OR1J2: variants seen among roughly 807,000 people sequenced by gnomAD.
OR1J2 encodes olfactory receptor 1J2.
For missense variants in OR1J2, 304 were observed against 246.1 expected (o/e 1.24, Z -1.57); for synonymous variants, 142 against 99.7 (o/e 1.42, Z -2.52).
the OR1J2 span, among the ~76,000 whole-genome samples, chr9:122,456,580 G>A: frequency 2.0e-5 from 3 of 152,170 alleles, no homozygotes; most frequent in East Asian, 1.9e-4. Context: ...ACACACACAC[G>A]AAAGAATACA....
chr9:122,491,967 G>C, the OR1J2 span, among the ~76,000 whole-genome samples: 4 of 151,812 alleles, frequency 2.6e-5, no homozygotes, highest in African/African-American at 4.9e-5. Flanking sequence ...AAAAAAGAGA[G>C]AAAAAAGAAT....
the OR1J2 span, among the ~76,000 whole-genome samples, chr9:122,539,427 C>A: frequency 6.6e-6 from 1 of 152,128 alleles, no homozygotes; most frequent in Non-Finnish European, 1.5e-5. Flanking sequence ...ACCCATGTCC[C>A]TACAAAGGAC....
the OR1J2 span, among the ~76,000 whole-genome samples, chr9:122,504,539 C>CT: frequency 2.6e-5 from 4 of 151,988 alleles, no homozygotes; most frequent in Admixed American, 2.0e-4. Flanking sequence ...AAATGCTGTG[C>CT]TTTTTTCTCA....
At chr9:122,525,536 A>G in the OR1J2 span, among the ~76,000 whole-genome samples, 1 of 152,090 alleles carries the variant, frequency 6.6e-6, no homozygotes, top group African/African-American at 2.4e-5. Flanking sequence ...CATTTTTTCC[A>G]TCTCTGCAAC....
chr9:122,471,581 A>G, the OR1J2 span, among the ~76,000 whole-genome samples: 1 of 152,204 alleles, frequency 6.6e-6, no homozygotes, highest in Non-Finnish European at 1.5e-5. Context: ...AATGACCCTT[A>G]TGCGTAAGAA....
chr9:122,526,047 A>AT, the OR1J2 span, among the ~76,000 whole-genome samples: 1 of 152,196 alleles, frequency 6.6e-6, no homozygotes, highest in Non-Finnish European at 1.5e-5. Flanking sequence ...CAGAGAAAAG[A>AT]TTTTTTGACT....
At chr9:122,507,091 G>A (rs1828534114), upstream of OR1J2, among the ~76,000 whole-genome samples, 1 of 152,108 alleles carries the variant, frequency 6.6e-6, no homozygotes, top group East Asian at 1.9e-4. Context: ...ACACAAATAT[G>A]GTGCCTTATC....
chr9:122,470,902 C>T, the OR1J2 span, among the ~76,000 whole-genome samples: 1 of 152,198 alleles, frequency 6.6e-6, no homozygotes, highest in African/African-American at 2.4e-5. Context: ...GCCAATTTCC[C>T]CCATTTGGAA....
chr9:122,462,092 G>C, the OR1J2 span, among the ~76,000 whole-genome samples: 1 of 151,988 alleles, frequency 6.6e-6, no homozygotes, highest in East Asian at 1.9e-4. Context: ...TATACATTTG[G>C]GAGCTCTAGT....
chr9:122,469,821 T>C, the OR1J2 span, among the ~76,000 whole-genome samples: 1 of 152,182 alleles, frequency 6.6e-6, no homozygotes, highest in Non-Finnish European at 1.5e-5. Flanking sequence ...TGTTATGTTT[T>C]AGCAAAGAGA....
the OR1J2 span, among the ~76,000 whole-genome samples, chr9:122,497,470 A>G: frequency 6.6e-6 from 1 of 152,176 alleles, no homozygotes; most frequent in Non-Finnish European, 1.5e-5. Context: ...GGTATTCGTA[A>G]TAGTCCCTGA....
At chr9:122,469,234 A>T in the OR1J2 span, among the ~76,000 whole-genome samples, 4 of 152,194 alleles carry the variant, frequency 2.6e-5, no homozygotes, top group Admixed American at 2.6e-4. Context: ...CTCATCTTGA[A>T]TTGTAGTTCC....
chr9:122,485,230 C>T, the OR1J2 span, among the ~76,000 whole-genome samples: 31 of 152,162 alleles, frequency 2.0e-4, no homozygotes, highest in African/African-American at 7.2e-4. Flanking sequence ...AGACAACTGG[C>T]TCCATGTAAT....
At chr9:122,544,291 A>G in the OR1J2 span, among the ~76,000 whole-genome samples, 7 of 151,994 alleles carry the variant, frequency 4.6e-5, no homozygotes, top group Admixed American at 6.5e-5. Flanking sequence ...GTTAATAAAT[A>G]TAGGAATATT....
At chr9:122,525,069 A>G in the OR1J2 span, among the ~76,000 whole-genome samples, 1 of 152,166 alleles carries the variant, frequency 6.6e-6, no homozygotes, top group Non-Finnish European at 1.5e-5. Context: ...AGGGCAGGAG[A>G]ACTCCAAGTT....
the OR1J2 span, among the ~76,000 whole-genome samples, chr9:122,518,087 CAA>C: frequency 6.6e-6 from 1 of 152,124 alleles, no homozygotes; most frequent in Non-Finnish European, 1.5e-5. Flanking sequence ...TTCCCAATAG[CAA>C]AGACATGGAA....
chr9:122,540,658 C>G, the OR1J2 span, among the ~76,000 whole-genome samples: 1 of 152,276 alleles, frequency 6.6e-6, no homozygotes, highest in Non-Finnish European at 1.5e-5. Context: ...TGCAGAAAGT[C>G]ACTGGTAGCT....
the OR1J2 span, among the ~76,000 whole-genome samples, chr9:122,464,569 G>C: frequency 5.9e-5 from 9 of 152,252 alleles, no homozygotes; most frequent in East Asian, 1.5e-3. Context: ...CCGACCTAGT[G>C]GGGGCTGCAA....
At chr9:122,555,775 AAAGT>A in the OR1J2 span, among the ~76,000 whole-genome samples, 1 of 152,204 alleles carries the variant, frequency 6.6e-6, no homozygotes, top group African/African-American at 2.4e-5. Context: ...AATTGAGCAG[AAAGT>A]TCCCATATAC....
Sources: allele counts gnomAD v4.1 joint callset (sites outside exome capture counted in the v4.1 genomes callset), GRCh38; gene constraint gnomAD v4.1.1; transcripts MANE v1.5; gene names NCBI Gene and HGNC (gene_info 2026-07-23, HGNC 2026-07-21).